The following BEST2 variants were observed in gnomAD, a reference collection of about 807,000 sequenced individuals.
The protein encoded by BEST2 is bestrophin 2.
In BEST2, 36 loss-of-function variants were observed where a neutral mutation model predicts 49.0. The observed-to-expected ratio is 0.73, with a 90% confidence interval of 0.56 to 0.97. BEST2 has a LOEUF of 0.97. BEST2 is among the 50% of genes least tolerant of loss of function. The pLI is 0.00. For synonymous variants in BEST2, 335 were observed against 304.4 expected (o/e 1.10, Z -1.05); for missense variants, 672 against 710.0 (o/e 0.95, Z 0.61).
intron 8 of BEST2, 77 bp downstream of exon 8, chr19:12,756,012 T>A: frequency 6.3e-7 from 1 of 1,587,840 alleles, no homozygotes; most frequent in Non-Finnish European, 8.6e-7. Context: ...GTCCCACCCC[T>A]GCCAAGTCTT....
intron 2 of BEST2, 38 bp downstream of exon 2, chr19:12,752,782 G>T (rs1329338909): frequency 1.3e-5 from 21 of 1,556,276 alleles, no homozygotes; most frequent in Non-Finnish European, 1.6e-5. Context: ...CTAGCGGAGG[G>T]GGGGCAGCTA....
rs758053072 is a variant in BEST2 at position 12,754,651 on chromosome 19, G to GA, written c.348dup (p.Arg117ThrfsTer56). On this transcript the variant is annotated frameshift_variant, in exon 4 of 10. Coordinates refer to ENST00000553030, the MANE Select transcript of BEST2 (RefSeq NM_017682.3). LOFTEE classifies it high-confidence loss of function. ...TGCGTGGTGGCGGGCACCGTGCACG[G>GA]ACGCGACGACCGCGGCCGCCTCTAC... 6.4e-7 allele frequency: 1 copy of GA among 1,560,040 alleles called. No individual in the cohort carries two copies. Among genetic ancestry groups the GA allele is most frequent in the East Asian group, 2.4e-5 (1 of 41,614 alleles).
chr19:12,757,397 G>A (rs1967957880), intron 9 of BEST2, among the ~76,000 whole-genome samples: 1 of 152,216 alleles, frequency 6.6e-6, no homozygotes, highest in Admixed American at 6.5e-5. Flanking sequence ...GGGCAACAGA[G>A]CGAGACTCCG....
At chr19:12,756,606 G>T (rs542456855) in intron 9 of BEST2, 5 of 337,040 alleles carry the variant, frequency 1.5e-5, no homozygotes, top group Admixed American at 4.4e-5. Flanking sequence ...TACTTTGGGA[G>T]GCTGAGGCAG....
chr19:12,755,488 T>A lies in BEST2; in HGVS notation c.714+32T>A. On this transcript the variant is annotated intron_variant, in intron 6 of 9. Coordinates refer to ENST00000553030, the MANE Select transcript of BEST2 (RefSeq NM_017682.3). The surrounding 1 kb of genome is among the most constrained non-coding windows in gnomAD (Gnocchi z 4.4). ...CCATCATGCCTCTTTTTATATTCGG[T>A]GTCAGTGGCCCTGATGCCTGGTTTC... is the stretch of plus-strand genomic sequence containing the variant. The A allele has an allele frequency of 6.2e-7, 1 of 1,612,578 alleles. No individual in the cohort carries two copies. Among genetic ancestry groups the A allele is most frequent in the Non-Finnish European group, 8.5e-7 (1 of 1,178,646 alleles).
chr19:12,757,817 G>A lies in BEST2; in HGVS notation c.1270G>A (p.Val424Met). 6.5e-7 allele frequency: 1 copy of A among 1,549,004 alleles called. No homozygotes were observed. Among genetic ancestry groups the A allele is most frequent in the South Asian group, 1.2e-5 (1 of 84,018 alleles). The change falls in exon 10 of 10, where the codon GTG (valine) becomes ATG (methionine). Residue 424 changes from valine to methionine, a missense_variant. By Grantham distance (21) the Val-to-Met change is conservative (BLOSUM62 1). Coordinates refer to ENST00000553030, the MANE Select transcript of BEST2 (RefSeq NM_017682.3). Reference sequence around the variant, plus strand: ...CTTTCTACTCCGCAAGAACAGCTGCGTGTCGGAGGCGTCTACTGGGGCCAG... The same window carrying A: ...CTTTCTACTCCGCAAGAACAGCTGCATGTCGGAGGCGTCTACTGGGGCCAG... Reference protein sequence around the residue: ...LSFLLRKNSCVSEASTGASCS... With the variant: ...LSFLLRKNSCMSEASTGASCS...
intron 8 of BEST2, 44 bp from the exon 9 acceptor site, chr19:12,756,097 G>A (rs371229829): frequency 1.2e-5 from 20 of 1,612,154 alleles, no homozygotes; most frequent in South Asian, 5.5e-5. Flanking sequence ...TGGTCCCGGC[G>A]GGTTGCCCTG....
Position 12,755,678 on chromosome 19 carries a change from C to T in BEST2, c.778C>T (p.Pro260Ser), listed in dbSNP as rs1475549309. ...CCTCATTGGTCGCCAGTTCCTGGAC[C>T]CGGCTCAGGGTTACAAAGACCACGA... ...ACLIGRQFLD[P>S]AQGYKDHDLD... Residue 260 changes from proline (P) to serine (S), a missense_variant, in exon 7 of 10, where the codon CCG becomes TCG. This residue lies in a region of BEST2 where 365 missense variants were observed against 390.9 expected (regional missense o/e 0.93). Transcript: ENST00000553030. The surrounding 1 kb of genome is among the most constrained non-coding windows in gnomAD (Gnocchi z 4.4). 3 of 1,613,988 alleles carry T rather than the reference C, an allele frequency of 1.9e-6. No homozygotes were observed. In the African/African-American group the frequency reaches 4.0e-5, roughly 22 times the overall value.
At position 12,755,535 on chromosome 19, in the gene BEST2, C is replaced by T; in HGVS notation, c.714+79C>T. On this transcript the variant is annotated intron_variant, in intron 6 of 9. Transcript: ENST00000553030. This position sits in a 1 kb window ranked among gnomAD's most constrained non-coding sequence, Gnocchi z 4.4. ...TTTCCAAGGGGAAACCAAGAACTAG[C>T]TAAGACCCCCATCATAATGATGCCT... 1 of 1,608,334 alleles carries T rather than the reference C, an allele frequency of 6.2e-7. No homozygotes were observed. The highest frequency in any genetic ancestry group is 8.5e-7 in the Non-Finnish European group (1 of 1,175,230).
At chr19:12,757,088 A>G (rs550641550) in intron 9 of BEST2, among the ~76,000 whole-genome samples, 14 of 152,286 alleles carry the variant, frequency 9.2e-5, no homozygotes, top group Non-Finnish European at 1.5e-4. Context: ...GGTTGCAGTG[A>G]GCCGAGATTG....
At chr19:12,756,462 C>A in intron 9 of BEST2, 167 bp downstream of exon 9, 2 of 973,714 alleles carry the variant, frequency 2.1e-6, no homozygotes, top group Non-Finnish European at 3.0e-6. Flanking sequence ...GGGACAAGGT[C>A]AAGGTCTGAG....
chr19:12,755,153 A>G lies in BEST2; in HGVS notation c.636+122A>G. ...GATTTCAAACACCCTCACCAGGTGC[A>G]CTCTTACCTCCATGGGGCTGATTCC... is the stretch of plus-strand genomic sequence containing the variant. On this transcript the variant is annotated intron_variant, in intron 5 of 9. Transcript: ENST00000553030. This position sits in a 1 kb window ranked among gnomAD's most constrained non-coding sequence, Gnocchi z 4.4. 7.8e-7 allele frequency: 1 copy of G among 1,274,060 alleles called. No individual in the cohort carries two copies. Among genetic ancestry groups the G allele is most frequent in the South Asian group, 1.5e-5 (1 of 65,980 alleles). 78.9% of individuals were successfully genotyped at this position (1,274,060 alleles called of 1,614,324 possible).
In BEST2 at chr19:12,756,176, C is replaced by T; in HGVS notation, c.984C>T (p.Asp328=). The T allele has an allele frequency of 6.2e-7, 1 of 1,614,226 alleles. No individual in the cohort carries two copies. The highest frequency in any genetic ancestry group is 8.5e-7 in the Non-Finnish European group (1 of 1,180,032). The change falls in exon 9 of 10, where the codon GAC becomes GAT. Residue 328 remains aspartate, a synonymous_variant. Coordinates refer to ENST00000553030, the MANE Select transcript of BEST2 (RefSeq NM_017682.3). ...TGGCAGTGGACGAGATGTATGATGA[C>T]CTGGCTGTGCTGGAGAAGGACTTGT... ...SMLAVDEMYD[D]LAVLEKDLYW...
chr19:12,754,309 T>C (rs1353489741), intron 3 of BEST2, among the ~76,000 whole-genome samples: 2 of 151,948 alleles, frequency 1.3e-5, no homozygotes, highest in African/African-American at 2.4e-5. Context: ...CCTGACCTCA[T>C]GATCCACCCT....
At chr19:12,757,249 C>G (rs1342740537) in intron 9 of BEST2, among the ~76,000 whole-genome samples, 1 of 152,054 alleles carries the variant, frequency 6.6e-6, no homozygotes, top group Non-Finnish European at 1.5e-5. Context: ...CCCATCTCTA[C>G]TAAAAATACA....
Position 12,754,637 on chromosome 19 carries a change from G to C in BEST2, c.333G>C (p.Ala111=). The change falls in exon 4 of 10, where the codon GCG becomes GCC. Residue 111 remains alanine (A), a synonymous_variant. Coordinates refer to ENST00000553030, the MANE Select transcript of BEST2 (RefSeq NM_017682.3). The stretch of plus-strand genomic sequence containing the variant: ...CCGACGCGCTCATGTGCGTGGTGGC[G>C]GGCACCGTGCACGGACGCGACGACC... ...PLPDALMCVV[A]GTVHGRDDRG... is the part of the protein sequence containing the mutation. 6.4e-7 allele frequency: 1 copy of C among 1,562,868 alleles called. No individual in the cohort carries two copies.
In BEST2 at chr19:12,756,147, A is replaced by G. The variant is rs1422488005; in HGVS notation, c.955A>G (p.Met319Val). The change falls in exon 9 of 10, where the codon ATG (methionine) becomes GTG (valine). Residue 319 changes from methionine (M) to valine (V), a missense_variant. By Grantham distance (21) the Met-to-Val change is conservative. This residue lies in a region of BEST2 where 291 missense variants were observed against 279.8 expected (regional missense o/e 1.04). Coordinates refer to ENST00000553030, the MANE Select transcript of BEST2 (RefSeq NM_017682.3). ...TGTGTGTTTGCACCCGTAGGTGTCCATGCTGGCAGTGGACGAGATGTATGA... is the reference window on the plus strand; with the variant it reads ...TGTGTGTTTGCACCCGTAGGTGTCCGTGCTGGCAGTGGACGAGATGTATGA... ...FLIDRNFQVS[M>V]LAVDEMYDDL... The G allele has an allele frequency of 6.2e-7, 1 of 1,614,118 alleles. No homozygotes were observed. Among genetic ancestry groups the G allele is most frequent in the Non-Finnish European group, 8.5e-7 (1 of 1,180,056 alleles).
Position 12,758,080 on chromosome 19 carries a change from T to A in BEST2, c.*3T>A, listed in dbSNP as rs115826970. ...AGGAGGAGGAGAATCTGGCCTGAGA[T>A]CTTAGAGCCCAGCCCCCTAAGGACA... On this transcript the variant is annotated 3_prime_UTR_variant, in exon 10 of 10. Coordinates refer to ENST00000553030, the MANE Select transcript of BEST2 (RefSeq NM_017682.3). The A allele has an allele frequency of 1.2e-6, 2 of 1,612,218 alleles. No individual in the cohort carries two copies. Among genetic ancestry groups the A allele is most frequent in the Non-Finnish European group, 1.7e-6 (2 of 1,179,688 alleles).
chr19:12,757,637 T>C lies in BEST2; in HGVS notation c.1104-14T>C, dbSNP rs891416298. ...AGGCGAGGCCGCAGCGCTGGCCCAC[T>C]GTCGGTCCCGCAGGCTGGCCAAAGA... On this transcript the variant is annotated splice_polypyrimidine_tract_variant and intron_variant, in intron 9 of 9. Transcript: ENST00000553030. 2 of 1,530,124 alleles carry C rather than the reference T, an allele frequency of 1.3e-6. No individual in the cohort carries two copies. Among genetic ancestry groups the C allele is most frequent in the African/African-American group, 1.4e-5 (1 of 72,190 alleles). The allele number at this position is 1,530,124 out of a possible 1,614,324, so 94.8% of individuals were successfully genotyped here.
Sources: gnomAD v4.1 joint callset for allele counts (sites outside exome capture counted in the v4.1 genomes callset) on GRCh38, gnomAD v4.1.1 for gene constraint, gnomAD v4.1.1 regional missense constraint, Gnocchi (gnomAD v3.1) non-coding constraint, MANE v1.5 for transcripts, NCBI Gene and HGNC (gene_info 2026-07-23, HGNC 2026-07-21) for gene names.